The following COL25A1 variants were observed in gnomAD, a reference collection of about 807,000 sequenced individuals.
The protein encoded by COL25A1 is collagen type XXV alpha 1 chain.
In COL25A1, 103 loss-of-function variants were observed where a neutral mutation model predicts 128.4. That is an observed-to-expected ratio of 0.80 (90% CI 0.68 to 0.94). The LOEUF (loss-of-function observed/expected upper bound fraction) is 0.94, where lower values mean the gene tolerates loss of function less well. Ranked by LOEUF, COL25A1 falls within the 40% of genes least tolerant of loss-of-function variation. The pLI is 0.00. For synonymous variants in COL25A1, 279 were observed against 277.2 expected (o/e 1.01, Z -0.06); for missense variants, 745 against 840.0 (o/e 0.89, Z 1.40).
Position 108,838,295 on chromosome 4 carries a change from G to A in COL25A1, c.1656+3400C>T, listed in dbSNP as rs1734038487. On this transcript the variant is annotated intron_variant, in intron 31 of 37. Coordinates refer to ENST00000399132, the MANE Select transcript of COL25A1 (RefSeq NM_198721.4). ...CCAGTTTTAGGAAACAGCAGAGTCA[G>A]GCTAGATTTGTCTTGCACGAAACAT... is the stretch of plus-strand genomic sequence containing the variant. The A allele has an allele frequency of 5.7e-6, 4 of 698,152 alleles. No individual in the cohort carries two copies. In the East Asian group the frequency reaches 1.1e-4, roughly 19 times the overall value. 43.2% of individuals were successfully genotyped at this position (698,152 alleles called of 1,614,324 possible). A position where few individuals can be genotyped will look rare whatever the true frequency, so the allele number is the denominator to read the frequency against.
rs376584601 is a variant in COL25A1, at chr4:108,869,106, T to C, written c.1065A>G (p.Pro355=). 2.6e-6 allele frequency: 4 copies of C among 1,563,240 alleles called. No homozygotes were observed. In the African/African-American group the frequency reaches 4.3e-5, roughly 17 times the overall value. The change falls in exon 20 of 38, where the codon CCA becomes CCG. Residue 355 remains proline, a synonymous_variant. Transcript: ENST00000399132. ...CACTTACTTTTGTTCCTGGTAAACC[T>C]GGTAAGCCTGGTTCTCCTTGAGGAC... The part of the protein sequence containing the change: ...FIGPQGEPGL[P]GLPGTKGERG...
intron 11 of COL25A1, among the ~76,000 whole-genome samples, chr4:108,933,418 G>C (rs1459199374): frequency 6.6e-6 from 1 of 152,072 alleles, no homozygotes; most frequent in Non-Finnish European, 1.5e-5. Flanking sequence ...AGAATGTTAT[G>C]AAAAATTAAT....
intron 13 of COL25A1, among the ~76,000 whole-genome samples, chr4:108,908,855 T>C (rs1560843463): frequency 1.3e-5 from 2 of 152,050 alleles, no homozygotes; most frequent in South Asian, 2.1e-4. Flanking sequence ...GATGATATCA[T>C]AGGGAGTGGA....
chr4:109,020,513 G>T (rs1030333019), intron 5 of COL25A1, among the ~76,000 whole-genome samples: 8 of 138,466 alleles, frequency 5.8e-5, no homozygotes, highest in African/African-American at 2.1e-4. Context: ...TTATGGGGGG[G>T]GGGGGGTTCA....
chr4:108,920,461 C>T, intron 12 of COL25A1, 117 bp downstream of exon 12: 1 of 639,922 alleles, frequency 1.6e-6, no homozygotes, highest in Admixed American at 2.9e-5. Flanking sequence ...GCAGAATACA[C>T]AAACCAGACT....
intron 5 of COL25A1, among the ~76,000 whole-genome samples, chr4:109,015,424 C>T (rs1757123726): frequency 6.6e-6 from 1 of 152,032 alleles, no homozygotes. Context: ...AAATGGAATT[C>T]CTGAAAAGAT....
intron 8 of COL25A1, among the ~76,000 whole-genome samples, chr4:108,973,834 T>C (rs926196664): frequency 1.3e-5 from 2 of 152,200 alleles, no homozygotes; most frequent in Non-Finnish European, 2.9e-5. Context: ...CCCTCCTACC[T>C]GCAATGCTAA....
In COL25A1 at chr4:108,926,400, G is replaced by T. The variant is rs546764491; in HGVS notation, c.709-5796C>A. 2.6e-4 allele frequency among the ~76,000 whole-genome samples: 40 copies of T among 152,304 alleles called. No homozygotes were observed. The South Asian group carries it at 8.3e-3, about 32-fold the overall frequency. On this transcript the variant is annotated intron_variant, in intron 11 of 37. Transcript: ENST00000399132. ...GGAACAAAAAAGAGGTGGTCCATCTGTGAAGGGGAGGATAAAAGCCCAAAA... is the reference window on the plus strand; with the variant it reads ...GGAACAAAAAAGAGGTGGTCCATCTTTGAAGGGGAGGATAAAAGCCCAAAA...
At chr4:108,884,469 G>T (rs949128942) in intron 18 of COL25A1, among the ~76,000 whole-genome samples, 1 of 152,080 alleles carries the variant, frequency 6.6e-6, no homozygotes, top group African/African-American at 2.4e-5. Flanking sequence ...TGGTATCTCC[G>T]TCAGATGGCG....
chr4:109,263,812 A>G (rs1354829025), intron 3 of COL25A1, among the ~76,000 whole-genome samples: 1 of 152,224 alleles, frequency 6.6e-6, no homozygotes, highest in Non-Finnish European at 1.5e-5. Context: ...CAGCAAAATG[A>G]CATAAAAGAT....
chr4:108,913,013 A>G (rs1280647054), intron 13 of COL25A1, among the ~76,000 whole-genome samples: 1 of 152,126 alleles, frequency 6.6e-6, no homozygotes, highest in Non-Finnish European at 1.5e-5. Flanking sequence ...TTGAAGTTTT[A>G]AAAATAACAA....
intron 11 of COL25A1, among the ~76,000 whole-genome samples, chr4:108,928,062 C>T (rs1039209642): frequency 2.0e-5 from 3 of 151,994 alleles, no homozygotes; most frequent in African/African-American, 7.2e-5. Flanking sequence ...GGAAATGATC[C>T]GAAAAGAAAG....
chr4:108,954,917 T>C (rs1205364457), intron 8 of COL25A1, among the ~76,000 whole-genome samples: 1 of 151,950 alleles, frequency 6.6e-6, no homozygotes, highest in Non-Finnish European at 1.5e-5. Context: ...ATAGCCCAAT[T>C]TACAAACTAC....
chr4:108,844,478 C>T (rs1416934068), intron 30 of COL25A1, 41 bp downstream of exon 30: 1 of 1,614,014 alleles, frequency 6.2e-7, no homozygotes, highest in Non-Finnish European at 8.5e-7. Context: ...GCAGCATGCT[C>T]ATAAATAAGC....
In COL25A1 at chr4:109,112,220, G is replaced by A. The variant is rs1235201243; in HGVS notation, c.368-62041C>T. ...TAAACTGTTGTTATAGGAGATCTTCGGGATATTTAAATGGGGTGTAAGATT... is the reference window on the plus strand; with the variant it reads ...TAAACTGTTGTTATAGGAGATCTTCAGGATATTTAAATGGGGTGTAAGATT... On this transcript the variant is annotated intron_variant, in intron 3 of 37. Transcript: ENST00000399132. 3.3e-5 allele frequency among the ~76,000 whole-genome samples: 5 copies of A among 152,106 alleles called. No individual in the cohort carries two copies. In the East Asian group the frequency reaches 5.8e-4, roughly 18 times the overall value.
At chr4:108,937,277 A>T (rs1174991080) in intron 11 of COL25A1, among the ~76,000 whole-genome samples, 3 of 152,172 alleles carry the variant, frequency 2.0e-5, no homozygotes, top group Admixed American at 6.5e-5. Context: ...TAAACAATTC[A>T]TGGGGAACTG....
At chr4:109,126,932 C>T (rs1768679913) in intron 3 of COL25A1, among the ~76,000 whole-genome samples, 1 of 151,092 alleles carries the variant, frequency 6.6e-6, no homozygotes, top group African/African-American at 2.4e-5. Context: ...AAAAAAGAAA[C>T]GTCTCTCTTT....
At chr4:108,987,948 T>G (rs1446185446) in intron 6 of COL25A1, among the ~76,000 whole-genome samples, 2 of 152,212 alleles carry the variant, frequency 1.3e-5, no homozygotes, top group Non-Finnish European at 2.9e-5. Context: ...GTGTCACTTT[T>G]ATGAAACTTA....
intron 12 of COL25A1, among the ~76,000 whole-genome samples, chr4:108,920,297 T>G (rs1006329316): frequency 6.6e-6 from 1 of 152,186 alleles, no homozygotes; most frequent in Non-Finnish European, 1.5e-5. Context: ...CATTTTAAAT[T>G]TTGTCATGTT....
Sources: gnomAD v4.1 joint callset for allele counts (sites outside exome capture counted in the v4.1 genomes callset) on GRCh38, gnomAD v4.1.1 for gene constraint, MANE v1.5 for transcripts, NCBI Gene and HGNC (gene_info 2026-07-23, HGNC 2026-07-21) for gene names.